Variants in NIBAN1 observed in about 807,000 individuals in gnomAD.
NIBAN1 encodes the protein protein Niban 1.
Under a neutral mutation model 75.1 loss-of-function variants are expected in NIBAN1, and 81 were observed. The ratio of observed to expected loss-of-function variants is 1.08; its 90% confidence interval spans 0.90 to 1.30. NIBAN1 has a LOEUF of 1.30. Among genes scored for constraint, NIBAN1 ranks in the 50% most tolerant of loss-of-function variants. The probability of loss-of-function intolerance (pLI) is 0.00; values close to 1 mark genes in which losing one functional copy is unlikely to be tolerated. For synonymous variants in NIBAN1, 436 were observed against 424.8 expected (o/e 1.03, Z -0.32); for missense variants, 1,133 against 1,128.1 (o/e 1.00, Z -0.06).
chr1:184,812,022 A>G (rs764632079), intron 9 of NIBAN1, among the ~76,000 whole-genome samples: 22 of 152,298 alleles, frequency 1.4e-4, no homozygotes, highest in Non-Finnish European at 2.8e-4. Flanking sequence ...AGACTGCTGG[A>G]AAAGATCCTT....
intron 2 of NIBAN1, among the ~76,000 whole-genome samples, chr1:184,895,331 T>C (rs1242435248): frequency 6.6e-6 from 1 of 152,156 alleles, no homozygotes; most frequent in Non-Finnish European, 1.5e-5. Context: ...AATCAACTGA[T>C]AAGCTTGTTA....
intron 5 of NIBAN1, 130 bp from the exon 6 acceptor site, chr1:184,832,092 G>T (rs1050524439): frequency 3.0e-6 from 2 of 676,022 alleles, no homozygotes; most frequent in African/African-American, 3.6e-5. Context: ...AAGACACAGA[G>T]AAAGTTAAGC....
intron 10 of NIBAN1, among the ~76,000 whole-genome samples, chr1:184,807,304 G>T (rs1654227755): frequency 7.0e-6 from 1 of 143,108 alleles, no homozygotes; most frequent in Admixed American, 6.9e-5. Flanking sequence ...CTGTTACTGG[G>T]GAAAAGGTTC....
At chr1:184,937,104 G>A (rs188035855) in intron 1 of NIBAN1, among the ~76,000 whole-genome samples, 4 of 149,774 alleles carry the variant, frequency 2.7e-5, no homozygotes, top group Admixed American at 2.7e-4. Flanking sequence ...TAATACTGAG[G>A]ACCTTGGTAT....
intron 1 of NIBAN1, among the ~76,000 whole-genome samples, chr1:184,918,878 A>G (rs973863775): frequency 6.6e-6 from 1 of 152,226 alleles, no homozygotes; most frequent in African/African-American, 2.4e-5. Context: ...TATTAGCTGT[A>G]TAGTGAGTGT....
intron 9 of NIBAN1, among the ~76,000 whole-genome samples, chr1:184,817,343 G>C (rs1305083969): frequency 1.3e-5 from 2 of 152,202 alleles, no homozygotes; most frequent in Non-Finnish European, 2.9e-5. Context: ...ATGTGTGCAT[G>C]TGTCTTTATA....
chr1:184,899,056 A>G lies in NIBAN1; in HGVS notation c.186+123T>C, dbSNP rs967874179. The stretch of plus-strand genomic sequence containing the variant: ...AGGCAAATAGAGTTTTTTGAGCATG[A>G]AACGACTTCAGAGCAGAGTTTTTAA... On this transcript the variant is annotated intron_variant, in intron 2 of 13. Coordinates refer to ENST00000367511, the MANE Select transcript of NIBAN1 (RefSeq NM_052966.4). 32 of 1,129,236 alleles carry G rather than the reference A, an allele frequency of 2.8e-5. No homozygotes were observed. The South Asian group carries it at 5.2e-4, about 18-fold the overall frequency. The allele number at this position is 1,129,236 out of a possible 1,614,324, so 70.0% of individuals were successfully genotyped here.
chr1:184,913,765 TA>T, intron 1 of NIBAN1, among the ~76,000 whole-genome samples: 1 of 152,208 alleles, frequency 6.6e-6, no homozygotes, highest in Admixed American at 6.5e-5. Context: ...TGCCTAGACA[TA>T]AGAGCAACTG....
In NIBAN1 at chr1:184,875,770, G is replaced by A. The variant is rs115074908; in HGVS notation, c.601+8863C>T. On this transcript the variant is annotated intron_variant, in intron 5 of 13. Transcript: ENST00000367511. ...GGAGAGATGAGAAAACAAAGCCAGC[G>A]AAATAAAGCCCAAGAAAATAGAAGA... Among the ~76,000 whole-genome samples, 28 of 152,242 alleles carry A rather than the reference G, an allele frequency of 1.8e-4. No homozygotes were observed. In the South Asian group the frequency reaches 2.5e-3, roughly 14 times the overall value.
Position 184,855,716 on chromosome 1 carries a change from C to T in NIBAN1, c.602-23754G>A, listed in dbSNP as rs950938954. Among the ~76,000 whole-genome samples the T allele has an allele frequency of 3.9e-5, 6 of 152,234 alleles. No homozygotes were observed. In the South Asian group the frequency reaches 6.2e-4, roughly 16 times the overall value. ...TATTTTCTGTTTCCACCATTGGCCCCGAACTAGAATATAAGTGTCACAAGA... is the reference window on the plus strand; with the variant it reads ...TATTTTCTGTTTCCACCATTGGCCCTGAACTAGAATATAAGTGTCACAAGA... On this transcript the variant is annotated intron_variant, in intron 5 of 13. Coordinates refer to ENST00000367511, the MANE Select transcript of NIBAN1 (RefSeq NM_052966.4).
chr1:184,794,518 G>A lies in NIBAN1; in HGVS notation c.*459C>T. On this transcript the variant is annotated 3_prime_UTR_variant, in exon 14 of 14. Coordinates refer to ENST00000367511, the MANE Select transcript of NIBAN1 (RefSeq NM_052966.4). ...CAGTCTGACTGTGGACAAATGCCGAGTCCTTAAGAGATGGTGAAGTAGGCA... is the reference window on the plus strand; with the variant it reads ...CAGTCTGACTGTGGACAAATGCCGAATCCTTAAGAGATGGTGAAGTAGGCA... 2 of 242,062 alleles carry A rather than the reference G, an allele frequency of 8.3e-6. No individual in the cohort carries two copies. Among genetic ancestry groups the A allele is most frequent in the East Asian group, 1.2e-4 (1 of 8,172 alleles). 15.0% of individuals were successfully genotyped at this position (242,062 alleles called of 1,614,324 possible).
intron 1 of NIBAN1, among the ~76,000 whole-genome samples, chr1:184,921,325 A>G (rs2102018824): frequency 6.6e-6 from 1 of 152,228 alleles, no homozygotes; most frequent in African/African-American, 2.4e-5. Flanking sequence ...AACATATCTA[A>G]CATATAAAAA....
rs773305182 is a variant in NIBAN1 at position 184,806,010 on chromosome 1, T to G, written c.1382A>C (p.His461Pro). 6 of 1,614,168 alleles carry G rather than the reference T, an allele frequency of 3.7e-6. No homozygotes were observed. The highest frequency in any genetic ancestry group is 5.1e-6 in the Non-Finnish European group (6 of 1,180,030). The part of the protein sequence containing the change: ...VFTFEQLLSP[H>P]LQGEASKTAV... The stretch of plus-strand genomic sequence containing the variant: ...AGTTTTGGAGGCCTCTCCTTGGAGA[T>G]GTGGGGAAAGCAACTGCTCAAAAGT... The change falls in exon 11 of 14, where the codon CAT becomes CCT. Residue 461 changes from histidine to proline, a missense_variant. Transcript: ENST00000367511.
At chr1:184,898,597 C>T (rs1656866638) in intron 2 of NIBAN1, among the ~76,000 whole-genome samples, 1 of 152,210 alleles carries the variant, frequency 6.6e-6, no homozygotes. Flanking sequence ...GCCTGAACCA[C>T]AGAGCACGAC....
At chr1:184,806,763 T>G (rs1654209652) in intron 10 of NIBAN1, among the ~76,000 whole-genome samples, 1 of 109,518 alleles carries the variant, frequency 9.1e-6, no homozygotes, top group South Asian at 3.3e-4. Context: ...AATATATACC[T>G]TTTTTTTTTT....
At chr1:184,872,104 C>G (rs1437103946) in intron 5 of NIBAN1, among the ~76,000 whole-genome samples, 1 of 151,874 alleles carries the variant, frequency 6.6e-6, no homozygotes, top group Non-Finnish European at 1.5e-5. Context: ...AGAATACAAC[C>G]CACAGGGATC....
rs776587463 is a variant in NIBAN1, at chr1:184,894,063, G to A, written c.318+12C>T. ...CAGTGTAAGAATCAGTAGTAACAAA[G>A]AAGTGTCTTACCTCTTTATTCTCAT... On this transcript the variant is annotated intron_variant, in intron 3 of 13. Transcript: ENST00000367511. 6 of 1,589,914 alleles carry A rather than the reference G, an allele frequency of 3.8e-6. No homozygotes were observed. In the East Asian group the frequency reaches 6.8e-5, roughly 18 times the overall value.
rs145318812 is a variant in NIBAN1, at chr1:184,806,574, G to C, written c.1336-518C>G. ...CCTTTGCCTGTGTTCCCGTCACCAG[G>C]GTCCAGTATTACGAAAGAGACTTCT... On this transcript the variant is annotated intron_variant, in intron 10 of 13. Transcript: ENST00000367511. Among the ~76,000 whole-genome samples the C allele has an allele frequency of 3.6e-3, 549 of 152,012 alleles. 1 individual carries two copies. Among genetic ancestry groups the C allele is most frequent in the African/African-American group, 0.012 (484 of 41,438 alleles).
At chr1:184,932,151 T>A (rs1287919580) in intron 1 of NIBAN1, among the ~76,000 whole-genome samples, 1 of 152,190 alleles carries the variant, frequency 6.6e-6, no homozygotes, top group Admixed American at 6.5e-5. Flanking sequence ...AGGAACAAGT[T>A]TCATAGAAGA....
Sources: gnomAD v4.1 joint callset for allele counts (sites outside exome capture counted in the v4.1 genomes callset) on GRCh38, gnomAD v4.1.1 for gene constraint, MANE v1.5 for transcripts, NCBI Gene and HGNC (gene_info 2026-07-23, HGNC 2026-07-21) for gene names.